Variants in EPB41L3 observed in about 807,000 individuals in gnomAD.
EPB41L3 encodes band 4.1-like protein 3.
In EPB41L3, 57 loss-of-function variants were observed where a neutral mutation model predicts 127.1. The observed-to-expected ratio is 0.45, with a 90% CI of 0.36 to 0.56. The LOEUF is 0.56. Ranked by LOEUF, EPB41L3 falls within the 20% of genes least tolerant of loss-of-function variation. The pLI is 0.00. For synonymous variants in EPB41L3, 572 were observed against 549.5 expected (o/e 1.04, Z -0.57); for missense variants, 1,273 against 1,372.2 (o/e 0.93, Z 1.14).
chr18:5,507,441 T>C (rs980056292), intron 1 of EPB41L3, among the ~76,000 whole-genome samples: 3 of 150,192 alleles, frequency 2.0e-5, no homozygotes, highest in Non-Finnish European at 3.0e-5. Flanking sequence ...CTGTTGCCAA[T>C]TGGTATCAGT....
intron 2 of EPB41L3, among the ~76,000 whole-genome samples, chr18:5,485,212 T>C (rs1599615911): frequency 6.6e-6 from 1 of 152,120 alleles, no homozygotes; most frequent in East Asian, 1.9e-4. Context: ...TCAATAAACA[T>C]GATACATCAC....
chr18:5,394,625 C>T (rs2073023947), intron 22 of EPB41L3, 52 bp downstream of exon 22: 2 of 1,391,674 alleles, frequency 1.4e-6, no homozygotes, highest in Admixed American at 3.4e-5. Flanking sequence ...GGGAAGTGCC[C>T]CATGCCTCAT....
At chr18:5,624,001 T>C (rs2094894713) in intron 1 of EPB41L3, among the ~76,000 whole-genome samples, 1 of 151,988 alleles carries the variant, frequency 6.6e-6, no homozygotes. Context: ...TCTAAAAGTA[T>C]GAATAAACTT....
chr18:5,630,581 G>A (rs773380188), upstream of EPB41L3: 10 of 506,292 alleles, frequency 2.0e-5, no homozygotes, highest in Non-Finnish European at 3.9e-5. Flanking sequence ...GAGGCTGGAA[G>A]GGGCCGCCAG....
At chr18:5,515,996 A>G (rs940227527) in intron 1 of EPB41L3, among the ~76,000 whole-genome samples, 2 of 152,128 alleles carry the variant, frequency 1.3e-5, no homozygotes, top group Admixed American at 6.5e-5. Context: ...TGCTAATATA[A>G]TGAACCAAAC....
intron 5 of EPB41L3, 116 bp from the exon 6 acceptor site, chr18:5,438,226 T>C: frequency 9.9e-6 from 8 of 808,594 alleles, no homozygotes; most frequent in East Asian, 2.7e-5. Flanking sequence ...TGACCATTAA[T>C]GGAAAACTGG....
Position 5,489,093 on chromosome 18 carries a change from C to T in EPB41L3, c.91G>A (p.Ala31Thr), listed in dbSNP as rs779282144. 1 of 1,592,220 alleles carries T rather than the reference C, an allele frequency of 6.3e-7. No individual in the cohort carries two copies. Among genetic ancestry groups the T allele is most frequent in the Admixed American group, 1.8e-5 (1 of 56,878 alleles). The change falls in exon 2 of 23, where the codon GCG (alanine) becomes ACG (threonine). Residue 31 changes from alanine (A) to threonine (T), a missense_variant. Around this residue, in one of 3 missense-constraint regions of EPB41L3, gnomAD observed 182 missense variants for 149.2 expected, o/e 1.22. Coordinates refer to ENST00000341928, the MANE Select transcript of EPB41L3 (RefSeq NM_012307.5). ...EAAGAQGRAGAPVPEPPKEEQ... is the reference protein window; with the variant it reads ...EAAGAQGRAGTPVPEPPKEEQ... ...TCCTTGGGCGGCTCCGGCACGGGCGCCCCCGCGCGCCCCTGCGCCCCCGCC... is the reference window on the plus strand; with the variant it reads ...TCCTTGGGCGGCTCCGGCACGGGCGTCCCCGCGCGCCCCTGCGCCCCCGCC...
At chr18:5,402,229 G>A (rs1386881274) in intron 16 of EPB41L3, among the ~76,000 whole-genome samples, 1 of 149,116 alleles carries the variant, frequency 6.7e-6, no homozygotes, top group African/African-American at 2.4e-5. Flanking sequence ...GGACGGTATT[G>A]GAAAAGATAA....
At chr18:5,418,152 T>C (rs1483949388) in intron 12 of EPB41L3, among the ~76,000 whole-genome samples, 16 of 152,196 alleles carry the variant, frequency 1.1e-4, no homozygotes, top group Admixed American at 1.0e-3. Context: ...AGCCCACACC[T>C]ATATGAGCAC....
chr18:5,526,052 T>C (rs2148872944), intron 1 of EPB41L3, among the ~76,000 whole-genome samples: 1 of 152,234 alleles, frequency 6.6e-6, no homozygotes. Flanking sequence ...CAATTCCATT[T>C]TACAGAAAAC....
intron 16 of EPB41L3, chr18:5,398,358 G>T: frequency 1.7e-6 from 1 of 591,582 alleles, no homozygotes; most frequent in South Asian, 2.3e-5. Flanking sequence ...TTAGGATCAG[G>T]GTGGCGCCGA....
At chr18:5,492,469 T>G (rs1183349407) in intron 1 of EPB41L3, among the ~76,000 whole-genome samples, 1 of 121,402 alleles carries the variant, frequency 8.2e-6, no homozygotes, top group Non-Finnish European at 1.6e-5. Flanking sequence ...TTGGTTCTTT[T>G]TCTTATACTC....
chr18:5,476,557 A>G (rs929428420), intron 3 of EPB41L3, among the ~76,000 whole-genome samples: 2 of 152,024 alleles, frequency 1.3e-5, no homozygotes, highest in African/African-American at 4.8e-5. Flanking sequence ...TTTCTTCTAG[A>G]CTCTTGGAAG....
intron 1 of EPB41L3, among the ~76,000 whole-genome samples, chr18:5,532,362 G>A (rs960289304): frequency 2.6e-5 from 4 of 152,154 alleles, no homozygotes; most frequent in African/African-American, 4.8e-5. Context: ...CAAGCATTCC[G>A]TAAGTATTTG....
chr18:5,411,700 G>T (rs113349640), intron 13 of EPB41L3, among the ~76,000 whole-genome samples: 3,240 of 151,628 alleles, frequency 0.021, 120 homozygotes, highest in African/African-American at 0.073. Context: ...GCGAGTCTAT[G>T]ATGGTGAATC....
chr18:5,457,837 G>A (rs558306544), intron 3 of EPB41L3, among the ~76,000 whole-genome samples: 46 of 152,124 alleles, frequency 3.0e-4, no homozygotes, highest in Non-Finnish European at 4.4e-4. Flanking sequence ...CCCTTCCTCA[G>A]GATTCCACCC....
intron 3 of EPB41L3, among the ~76,000 whole-genome samples, chr18:5,460,145 T>C (rs2083735000): frequency 6.6e-6 from 1 of 152,342 alleles, no homozygotes; most frequent in South Asian, 2.1e-4. Flanking sequence ...TAAATGAGAT[T>C]GTGCAGCATT....
chr18:5,446,540 T>C (rs552692925), intron 3 of EPB41L3, among the ~76,000 whole-genome samples: 1 of 152,330 alleles, frequency 6.6e-6, no homozygotes, highest in African/African-American at 2.4e-5. Context: ...AGAGTTAATG[T>C]AATACCAATG....
At chr18:5,409,107 G>C (rs955589979) in intron 14 of EPB41L3, among the ~76,000 whole-genome samples, 5 of 152,218 alleles carry the variant, frequency 3.3e-5, no homozygotes, top group African/African-American at 1.2e-4. Flanking sequence ...AGATGGGACA[G>C]AGTTTCATCA....
Sources: allele counts gnomAD v4.1 joint callset (sites outside exome capture counted in the v4.1 genomes callset), GRCh38; gene constraint gnomAD v4.1.1; regional missense constraint gnomAD v4.1.1; transcripts MANE v1.5; gene names NCBI Gene and HGNC (gene_info 2026-07-23, HGNC 2026-07-21).